Variants in TRAPPC9 observed in about 807,000 individuals in gnomAD.
TRAPPC9 encodes trafficking protein particle complex subunit 9.
A neutral mutation model predicts 124.0 loss-of-function variants in TRAPPC9; 83 were observed. The ratio of observed to expected loss-of-function variants is 0.67; its 90% CI spans 0.56 to 0.80. TRAPPC9 has a LOEUF of 0.80. Among genes scored for constraint, TRAPPC9 ranks in the 30% least tolerant of loss-of-function variants. The pLI is 0.00. For synonymous variants in TRAPPC9, 638 were observed against 617.5 expected (o/e 1.03, Z -0.49); for missense variants, 1,302 against 1,508.3 (o/e 0.86, Z 2.27).
At chr8:140,404,162 G>T (rs1348228049) in intron 6 of TRAPPC9, among the ~76,000 whole-genome samples, 1 of 152,192 alleles carries the variant, frequency 6.6e-6, no homozygotes. Flanking sequence ...TCTATCAGAG[G>T]AGGAATTTGG....
intron 17 of TRAPPC9, among the ~76,000 whole-genome samples, chr8:140,176,626 G>C (rs866931084): frequency 6.6e-6 from 1 of 152,136 alleles, no homozygotes; most frequent in Admixed American, 6.5e-5. Flanking sequence ...TATGGGCATC[G>C]GTCATGTCTT....
At chr8:140,442,595 CAAAA>C (rs34248211) in intron 2 of TRAPPC9, among the ~76,000 whole-genome samples, 5 of 118,956 alleles carry the variant, frequency 4.2e-5, no homozygotes, top group Non-Finnish European at 5.2e-5. Context: ...GAGCCTCTGT[CAAAA>C]AAAAAAAAAA....
chr8:140,364,292 CA>C (rs34616334), intron 8 of TRAPPC9, among the ~76,000 whole-genome samples: 1,443 of 53,048 alleles, frequency 0.027, 16 homozygotes, highest in African/African-American at 0.071. Flanking sequence ...TCAAAGGATG[CA>C]AAAAAAAAAA....
At chr8:139,883,242 G>A (rs1490454454) in intron 21 of TRAPPC9, among the ~76,000 whole-genome samples, 9 of 152,248 alleles carry the variant, frequency 5.9e-5, no homozygotes, top group Non-Finnish European at 1.2e-4. Context: ...GCACTCTGCA[G>A]AGTCCCCAGC....
chr8:140,003,767 C>A (rs540584444), intron 18 of TRAPPC9, among the ~76,000 whole-genome samples: 1 of 152,290 alleles, frequency 6.6e-6, no homozygotes, highest in East Asian at 1.9e-4. Context: ...TACTACCACT[C>A]TGGAAAACAG....
At chr8:139,874,935 G>A (rs72683249) in intron 21 of TRAPPC9, among the ~76,000 whole-genome samples, 8 of 152,308 alleles carry the variant, frequency 5.3e-5, no homozygotes, top group Non-Finnish European at 8.8e-5. Flanking sequence ...TCCACCCACC[G>A]GTTTCTTCCA....
chr8:139,821,117 T>C (rs914952787), intron 21 of TRAPPC9, among the ~76,000 whole-genome samples: 1 of 152,164 alleles, frequency 6.6e-6, no homozygotes, highest in Non-Finnish European at 1.5e-5. Flanking sequence ...CACAATCTCC[T>C]ACAAATGGAT....
chr8:140,453,053 A>G (rs1316752390), intron 1 of TRAPPC9, among the ~76,000 whole-genome samples: 1 of 152,220 alleles, frequency 6.6e-6, no homozygotes, highest in East Asian at 1.9e-4. Flanking sequence ...ATTTCTGACA[A>G]ATGCACATGG....
chr8:140,323,892 AT>A (rs1246729000), intron 9 of TRAPPC9, among the ~76,000 whole-genome samples: 8 of 103,550 alleles, frequency 7.7e-5, no homozygotes, highest in Non-Finnish European at 1.6e-4. Flanking sequence ...TTTTTAAAAA[AT>A]ATATTTTTTT....
At chr8:139,941,072 C>A (rs1297182903) in intron 19 of TRAPPC9, among the ~76,000 whole-genome samples, 1 of 152,214 alleles carries the variant, frequency 6.6e-6, no homozygotes, top group Non-Finnish European at 1.5e-5. Context: ...GGCCCAGAAC[C>A]CCTTGGCATG....
At chr8:139,981,981 G>A (rs908676586) in intron 19 of TRAPPC9, among the ~76,000 whole-genome samples, 4 of 152,216 alleles carry the variant, frequency 2.6e-5, no homozygotes, top group African/African-American at 7.2e-5. Context: ...GAGGGGGACA[G>A]AGCCGGGCAT....
chr8:139,910,076 G>C, intron 20 of TRAPPC9, 71 bp downstream of exon 20: 1 of 1,569,420 alleles, frequency 6.4e-7, no homozygotes, highest in Non-Finnish European at 8.7e-7. Context: ...AGACCCTCAC[G>C]GGTCTTTCTT....
intron 4 of TRAPPC9, among the ~76,000 whole-genome samples, chr8:140,430,227 CTAAA>C (rs2070590031): frequency 6.6e-6 from 1 of 151,974 alleles, no homozygotes; most frequent in African/African-American, 2.4e-5. Context: ...CCTTACTAGT[CTAAA>C]TAGCAAAGGA....
intron 19 of TRAPPC9, among the ~76,000 whole-genome samples, chr8:139,977,974 C>T (rs1053417678): frequency 6.6e-6 from 1 of 152,050 alleles, no homozygotes; most frequent in African/African-American, 2.4e-5. Context: ...AGCCACCGCA[C>T]CCAGCCTCCT....
chr8:139,917,632 GC>G (rs1832237336), intron 19 of TRAPPC9, among the ~76,000 whole-genome samples: 1 of 152,234 alleles, frequency 6.6e-6, no homozygotes, highest in African/African-American at 2.4e-5. Context: ...CCGCTGCCAA[GC>G]AACAGGCTCG....
At chr8:139,923,474 A>G (rs1394980869) in intron 19 of TRAPPC9, among the ~76,000 whole-genome samples, 1 of 150,334 alleles carries the variant, frequency 6.7e-6, no homozygotes, top group Non-Finnish European at 1.5e-5. Context: ...CTCACGTTTC[A>G]CTCAACACTC....
At chr8:140,187,268 A>G (rs2062372963) in intron 17 of TRAPPC9, among the ~76,000 whole-genome samples, 1 of 152,232 alleles carries the variant, frequency 6.6e-6, no homozygotes, top group African/African-American at 2.4e-5. Context: ...CAACTAGAGT[A>G]CTTGAGTATA....
intron 17 of TRAPPC9, chr8:140,094,797 T>C (rs1844815611): frequency 6.6e-6 from 1 of 152,194 alleles, no homozygotes; most frequent in East Asian, 1.9e-4. Flanking sequence ...TCTGGGCAGC[T>C]TCCTTCATTT....
chr8:140,340,027 T>A (rs1368818820), intron 9 of TRAPPC9, among the ~76,000 whole-genome samples: 1 of 152,122 alleles, frequency 6.6e-6, no homozygotes, highest in African/African-American at 2.4e-5. Flanking sequence ...TTGTATTTCA[T>A]AGAGATAGGG....
Sources: allele counts gnomAD v4.1 joint callset (sites outside exome capture counted in the v4.1 genomes callset), GRCh38; gene constraint gnomAD v4.1.1; transcripts MANE v1.5; gene names NCBI Gene and HGNC (gene_info 2026-07-23, HGNC 2026-07-21).